The following MAPK10 variants were observed in gnomAD, a reference collection of about 807,000 sequenced individuals.
MAPK10 encodes the protein mitogen-activated protein kinase 10.
MAPK10 carries 25 observed loss-of-function variants against 59.3 expected under a neutral mutation model. The ratio of observed to expected loss-of-function variants is 0.42; its 90% CI spans 0.31 to 0.59. MAPK10 has a LOEUF of 0.59. Among genes scored for constraint, MAPK10 ranks in the 20% least tolerant of loss-of-function variants. MAPK10 has a pLI of 0.15. For synonymous variants in MAPK10, 190 were observed against 200.5 expected (o/e 0.95, Z 0.44); for missense variants, 351 against 568.9 (o/e 0.62, Z 3.90).
At chr4:86,288,869 T>G (rs181306072) in intron 2 of MAPK10, among the ~76,000 whole-genome samples, 20 of 151,710 alleles carry the variant, frequency 1.3e-4, no homozygotes, top group African/African-American at 4.8e-4. Context: ...ATCAAGAACT[T>G]GATATGTGCC....
intron 1 of MAPK10, among the ~76,000 whole-genome samples, chr4:86,489,520 C>T (rs1435975111): frequency 6.6e-6 from 1 of 152,180 alleles, no homozygotes; most frequent in East Asian, 1.9e-4. Context: ...ATAGCACACT[C>T]AGTCTCCAAA....
At chr4:86,586,334 C>T (rs2149114974) in intron 1 of MAPK10, among the ~76,000 whole-genome samples, 1 of 152,262 alleles carries the variant, frequency 6.6e-6, no homozygotes, top group African/African-American at 2.4e-5. Flanking sequence ...TCCTTGATCC[C>T]CTCCCTTGGT....
intron 1 of MAPK10, among the ~76,000 whole-genome samples, chr4:86,444,749 T>C (rs1463532907): frequency 6.8e-6 from 1 of 147,804 alleles, no homozygotes. Context: ...TATCAAAAAG[T>C]GGGCAAAGGA....
intron 1 of MAPK10, among the ~76,000 whole-genome samples, chr4:86,395,937 G>A (rs1252592901): frequency 1.3e-5 from 2 of 152,198 alleles, no homozygotes; most frequent in African/African-American, 2.4e-5. Context: ...GGGGATTAAT[G>A]TTTCAACATA....
At chr4:86,383,393 T>C (rs977439802) in intron 1 of MAPK10, among the ~76,000 whole-genome samples, 14 of 152,212 alleles carry the variant, frequency 9.2e-5, no homozygotes, top group African/African-American at 3.4e-4. Flanking sequence ...GAATGTAACC[T>C]GTTCTACTCA....
chr4:86,415,927 G>A (rs571596574), intron 1 of MAPK10, among the ~76,000 whole-genome samples: 12 of 152,166 alleles, frequency 7.9e-5, no homozygotes, highest in African/African-American at 2.6e-4. Flanking sequence ...AGACAAAGTT[G>A]GATTTAAGTT....
chr4:86,301,470 C>A (rs935778869), intron 2 of MAPK10, among the ~76,000 whole-genome samples: 1 of 151,876 alleles, frequency 6.6e-6, no homozygotes, highest in African/African-American at 2.4e-5. Flanking sequence ...AAAACAAAGT[C>A]TTGGAGCTGC....
intron 1 of MAPK10, among the ~76,000 whole-genome samples, chr4:86,564,663 C>A (rs549392755): frequency 1.3e-5 from 2 of 152,238 alleles, no homozygotes; most frequent in East Asian, 1.9e-4. Context: ...GCACATATAG[C>A]GCCATGAGGA....
intron 9 of MAPK10, among the ~76,000 whole-genome samples, chr4:86,093,570 A>G (rs1320694687): frequency 6.6e-6 from 1 of 151,974 alleles, no homozygotes; most frequent in Admixed American, 6.6e-5. Context: ...CAGAATTCTA[A>G]AAGACCACTG....
At chr4:86,531,581 T>A (rs1292757720) in intron 1 of MAPK10, among the ~76,000 whole-genome samples, 2 of 152,056 alleles carry the variant, frequency 1.3e-5, no homozygotes, top group Non-Finnish European at 2.9e-5. Context: ...CTAAACAGCT[T>A]TTAAACTTGA....
At chr4:86,194,455 C>A (rs2080790339) in intron 2 of MAPK10, 48 bp from the exon 3 acceptor site, 3 of 1,041,622 alleles carry the variant, frequency 2.9e-6, no homozygotes, top group Non-Finnish European at 3.0e-6. Flanking sequence ...ACTAGTTTTT[C>A]ATTATATAAC....
chr4:86,501,429 T>C (rs1755315329), intron 1 of MAPK10, among the ~76,000 whole-genome samples: 1 of 152,058 alleles, frequency 6.6e-6, no homozygotes, highest in East Asian at 1.9e-4. Context: ...AACTAAAATA[T>C]CATTTTATTG....
intron 2 of MAPK10, among the ~76,000 whole-genome samples, chr4:86,196,096 G>T (rs1217444034): frequency 1.3e-5 from 2 of 152,168 alleles, no homozygotes; most frequent in Non-Finnish European, 2.9e-5. Flanking sequence ...TAATGGGATT[G>T]CTGGGTCAAA....
rs186284242 is a variant in MAPK10, at chr4:86,202,037, G to C, written c.-6-7630C>G. 4.3e-3 allele frequency among the ~76,000 whole-genome samples: 646 copies of C among 151,808 alleles called. 7 individuals are homozygous for C. The highest frequency in any genetic ancestry group is 0.015 in the African/African-American group (624 of 41,442). On this transcript the variant is annotated intron_variant, in intron 2 of 13. Transcript: ENST00000641462. Reference sequence around the variant, plus strand: ...ATTGCTATTAGTTGTGCTTTAAAGAGGCAATTATATTTGAAAGAAATTACC... The same window carrying C: ...ATTGCTATTAGTTGTGCTTTAAAGACGCAATTATATTTGAAAGAAATTACC...
chr4:86,571,325 T>C (rs1436732640), intron 1 of MAPK10, among the ~76,000 whole-genome samples: 1 of 131,252 alleles, frequency 7.6e-6, no homozygotes, highest in Non-Finnish European at 1.6e-5. Flanking sequence ...GATATATATA[T>C]ACGTGTGTGT....
chr4:86,207,912 T>C (rs1403747362), intron 2 of MAPK10, among the ~76,000 whole-genome samples: 1 of 152,168 alleles, frequency 6.6e-6, no homozygotes, highest in African/African-American at 2.4e-5. Context: ...CCTGAGACTT[T>C]GCTGAAGTTG....
At chr4:86,281,713 T>G (rs1335311337) in intron 2 of MAPK10, among the ~76,000 whole-genome samples, 1 of 151,992 alleles carries the variant, frequency 6.6e-6, no homozygotes, top group African/African-American at 2.4e-5. Context: ...GAGCACATAG[T>G]CTTTCAAGGA....
chr4:86,311,942 G>A (rs1043279269), intron 2 of MAPK10, among the ~76,000 whole-genome samples: 2 of 147,528 alleles, frequency 1.4e-5, no homozygotes, highest in African/African-American at 4.9e-5. Context: ...CCAATAGAAG[G>A]AAAGCATCTC....
intron 1 of MAPK10, among the ~76,000 whole-genome samples, chr4:86,385,667 A>G (rs1264953162): frequency 7.9e-5 from 12 of 152,220 alleles, no homozygotes. Flanking sequence ...TTAAACTTGT[A>G]AAAATCCACA....
Sources: allele counts gnomAD v4.1 joint callset (sites outside exome capture counted in the v4.1 genomes callset), GRCh38; gene constraint gnomAD v4.1.1; transcripts MANE v1.5; gene names NCBI Gene and HGNC (gene_info 2026-07-23, HGNC 2026-07-21).